The following EMSY variants were observed in gnomAD, a reference collection of about 807,000 sequenced individuals.
EMSY encodes the protein BRCA2-interacting transcriptional repressor EMSY.
A neutral mutation model predicts 134.6 loss-of-function variants in EMSY; 26 were observed. The ratio of observed to expected loss-of-function variants is 0.19; its 90% CI spans 0.14 to 0.27. The LOEUF is 0.27. Among genes scored for constraint, EMSY ranks in the 10% least tolerant of loss-of-function variants. The pLI is 1.00. For missense variants in EMSY, 1,305 were observed against 1,611.4 expected, an observed-to-expected ratio of 0.81 and a Z score of 3.26; for synonymous variants, 579 against 577.8, an observed-to-expected ratio of 1.00 and a Z score of -0.03.
At chr11:76,507,661 T>C (rs1291854066) in intron 9 of EMSY, among the ~76,000 whole-genome samples, 1 of 152,044 alleles carries the variant, frequency 6.6e-6, no homozygotes, top group Admixed American at 6.6e-5. Flanking sequence ...CTCAAAGTCA[T>C]CCATAGAGGT....
chr11:76,508,459 G>A (rs1950160816), intron 9 of EMSY, among the ~76,000 whole-genome samples: 1 of 152,062 alleles, frequency 6.6e-6, no homozygotes, highest in African/African-American at 2.4e-5. Context: ...TAGAGCACAG[G>A]CAGAGTAGAT....
chr11:76,544,510 C>T (rs2136758736), exon 19 of EMSY: 2 of 1,614,140 alleles, frequency 1.2e-6, no homozygotes, highest in Non-Finnish European at 1.7e-6. Context: ...CAGACCAGCT[C>T]CAGCACAAAC....
chr11:76,523,310 T>C lies in EMSY; in HGVS notation c.1821+19T>C. On this transcript the variant is annotated intron_variant, in intron 12 of 20. Coordinates refer to ENST00000334736, the Ensembl canonical transcript of EMSY. ...TGCTGGAGTAAGTGAGAGCTTCAAC[T>C]GCAGACTTAGCAATTCACAGAGGAT... 1 of 1,602,438 alleles carries C rather than the reference T, an allele frequency of 6.2e-7. No homozygotes were observed. The highest frequency in any genetic ancestry group is 1.3e-5 in the African/African-American group (1 of 74,188).
intron 7 of EMSY, among the ~76,000 whole-genome samples, chr11:76,464,709 T>C (rs1007692894): frequency 2.6e-5 from 4 of 152,218 alleles, no homozygotes; most frequent in African/African-American, 9.6e-5. Context: ...ATTCTGATCT[T>C]CTTTGTTAGT....
At chr11:76,518,665 TAA>T (rs919068716) in intron 11 of EMSY, among the ~76,000 whole-genome samples, 2 of 141,452 alleles carry the variant, frequency 1.4e-5, no homozygotes, top group African/African-American at 5.1e-5. Flanking sequence ...TTCGTTTGTA[TAA>T]AGTGTGTGTG....
exon 19 of EMSY, chr11:76,544,424 C>G: frequency 6.2e-7 from 1 of 1,614,168 alleles, no homozygotes; most frequent in Non-Finnish European, 8.5e-7. Context: ...CCAGCCCCCG[C>G]TGGAACAGAC....
chr11:76,470,813 C>T (rs1350878481), intron 7 of EMSY, among the ~76,000 whole-genome samples: 1 of 152,036 alleles, frequency 6.6e-6, no homozygotes, highest in Non-Finnish European at 1.5e-5. Context: ...TTTTCCAACT[C>T]CTCTTTGCCC....
At chr11:76,449,812 C>A (rs972579543) in intron 2 of EMSY, among the ~76,000 whole-genome samples, 2 of 152,068 alleles carry the variant, frequency 1.3e-5, no homozygotes, top group Non-Finnish European at 2.9e-5. Context: ...TTCTTAGGTG[C>A]CTTGTTGGAT....
chr11:76,489,400 ACATTT>A (rs1244009457), intron 8 of EMSY, among the ~76,000 whole-genome samples: 3 of 145,702 alleles, frequency 2.1e-5, no homozygotes, highest in Non-Finnish European at 4.5e-5. Context: ...GTGGCTTTGT[ACATTT>A]CTCCCTTTAA....
At chr11:76,549,749 T>A (rs116261423) in intron 20 of EMSY, among the ~76,000 whole-genome samples, 393 of 152,306 alleles carry the variant, frequency 2.6e-3, no homozygotes, top group African/African-American at 9.1e-3. Flanking sequence ...TCTTATAGTG[T>A]TGTCACAGGG....
At chr11:76,463,010 C>T (rs920218924) in intron 6 of EMSY, among the ~76,000 whole-genome samples, 4 of 152,164 alleles carry the variant, frequency 2.6e-5, no homozygotes, top group African/African-American at 9.7e-5. Flanking sequence ...CTGACATGGC[C>T]ATAGGTTTAA....
intron 3 of EMSY, 121 bp from the exon 4 acceptor site, chr11:76,453,193 T>A: frequency 1.3e-6 from 1 of 751,624 alleles, no homozygotes; most frequent in Non-Finnish European, 2.2e-6. Flanking sequence ...CCTGTCTATA[T>A]CTTTTCACAA....
intron 9 of EMSY, chr11:76,496,772 T>C (rs1481415625): frequency 2.6e-6 from 1 of 389,718 alleles, no homozygotes; most frequent in South Asian, 2.2e-5. Context: ...AACTCACTTG[T>C]TCTCAGAGTA....
chr11:76,453,223 TC>T (rs922283280), intron 3 of EMSY, 90 bp from the exon 4 acceptor site: 11 of 1,155,660 alleles, frequency 9.5e-6, no homozygotes, highest in African/African-American at 1.5e-5. Context: ...GTCCCCCTTC[TC>T]CCCCCAAAAA....
Position 76,458,167 on chromosome 11 carries a change from T to C in EMSY, c.246-16T>C, listed in dbSNP as rs1284856112. The C allele has an allele frequency of 1.3e-6, 2 of 1,589,878 alleles. No homozygotes were observed. Among genetic ancestry groups the C allele is most frequent in the Non-Finnish European group, 1.7e-6 (2 of 1,169,860 alleles). On this transcript the variant is annotated splice_polypyrimidine_tract_variant and intron_variant, in intron 4 of 20. Coordinates refer to ENST00000334736, the Ensembl canonical transcript of EMSY. ...TGATTGAAAACCCTTGTAGCAGCGCTTTCTTTTTTGTTTAGTATGTCTGGA... is the reference window on the plus strand; with the variant it reads ...TGATTGAAAACCCTTGTAGCAGCGCCTTCTTTTTTGTTTAGTATGTCTGGA...
At position 76,536,243 on chromosome 11, in the gene EMSY, T is replaced by TCAGTTAGAA. The variant is rs1951220687; in HGVS notation, c.2359+188_2359+189insTAGAACAGT. 2.0e-5 allele frequency among the ~76,000 whole-genome samples: 3 copies of TCAGTTAGAA among 152,260 alleles called. No individual in the cohort carries two copies. In the South Asian group the frequency reaches 6.2e-4, roughly 32 times the overall value. On this transcript the variant is annotated intron_variant, in intron 15 of 20. Coordinates refer to ENST00000334736, the Ensembl canonical transcript of EMSY. ...GGTACAGTCTGGTTTACTTGTTAGT[T>TCAGTTAGAA]CAGTAAGATGTGCACAGGAATATTG... is the stretch of plus-strand genomic sequence containing the variant.
intron 17 of EMSY, among the ~76,000 whole-genome samples, chr11:76,541,272 G>A (rs564000213): frequency 6.6e-6 from 1 of 152,268 alleles, no homozygotes; most frequent in South Asian, 2.1e-4. Flanking sequence ...GGTAAAATTT[G>A]ATAGATTGGT....
intron 16 of EMSY, among the ~76,000 whole-genome samples, chr11:76,539,087 A>G (rs1185848955): frequency 1.3e-5 from 2 of 152,230 alleles, no homozygotes; most frequent in Admixed American, 6.5e-5. Flanking sequence ...TTTAGATGGC[A>G]TATATAGAGA....
intron 14 of EMSY, 34 bp from the exon 16 acceptor site, chr11:76,535,861 T>A (rs2136533427): frequency 1.4e-6 from 2 of 1,398,218 alleles, no homozygotes. Context: ...ACTTTGTTTA[T>A]AGGGTTTGTT....
Sources: gnomAD v4.1 joint callset for allele counts (sites outside exome capture counted in the v4.1 genomes callset) on GRCh38, gnomAD v4.1.1 for gene constraint, MANE v1.5 for transcripts, NCBI Gene and HGNC (gene_info 2026-07-23, HGNC 2026-07-21) for gene names.